SMCHD1: variants seen among roughly 807,000 people sequenced by gnomAD.
SMCHD1 encodes structural maintenance of chromosomes flexible hinge domain-containing protein 1.
Under a neutral mutation model 254.7 loss-of-function variants are expected in SMCHD1, and 78 were observed. That is an observed-to-expected ratio of 0.31 (90% confidence interval 0.26 to 0.37). The LOEUF (loss-of-function observed/expected upper bound fraction) is 0.37. Among genes scored for constraint, SMCHD1 ranks in the 10% least tolerant of loss-of-function variants. The probability of loss-of-function intolerance (pLI) is 1.00; values close to 1 mark genes in which losing one functional copy is unlikely to be tolerated. For synonymous variants in SMCHD1, 766 were observed against 794.9 expected, an observed-to-expected ratio of 0.96 and a Z score of 0.61; for missense variants, 1,840 against 2,408.1, an observed-to-expected ratio of 0.76 and a Z score of 4.94.
In SMCHD1 at chr18:2,703,922, TTTTAA is replaced by T. The variant is rs747578247; in HGVS notation, c.1842+47_1842+51del. Reference sequence around the variant, plus strand: ...CTTATTGTCACTTTTTTCTTATAATTTTTAATTTAATTTAAAACACATATGCAGAA... The same window carrying T: ...CTTATTGTCACTTTTTTCTTATAATTTTTAATTTAAAACACATATGCAGAA... On this transcript the variant is annotated intron_variant, in intron 13 of 47. Coordinates refer to ENST00000320876, the MANE Select transcript of SMCHD1 (RefSeq NM_015295.3). The T allele has an allele frequency of 6.2e-6, 9 of 1,460,720 alleles. No homozygotes were observed. The Admixed American group carries it at 1.4e-4, about 23-fold the overall frequency. 90.5% of individuals were successfully genotyped at this position (1,460,720 alleles called of 1,614,324 possible). A position where few individuals can be genotyped will look rare whatever the true frequency, so the allele number is the denominator to read the frequency against.
At chr18:2,746,715 G>A (rs2075460403) in intron 29 of SMCHD1, among the ~76,000 whole-genome samples, 1 of 152,190 alleles carries the variant, frequency 6.6e-6, no homozygotes, top group African/African-American at 2.4e-5. Context: ...GAACTTTCTT[G>A]TTAGAGGAGA....
intron 8 of SMCHD1, among the ~76,000 whole-genome samples, chr18:2,695,469 T>C (rs2074267277): frequency 6.6e-6 from 1 of 151,930 alleles, no homozygotes; most frequent in Non-Finnish European, 1.5e-5. Flanking sequence ...GCCACCACAC[T>C]CAACTAATTT....
chr18:2,684,700 AGTGTGT>A (rs71365193), intron 5 of SMCHD1, among the ~76,000 whole-genome samples: 2,659 of 115,606 alleles, frequency 0.023, 49 homozygotes, highest in Middle Eastern at 0.12. Flanking sequence ...TTGCAGATTC[AGTGTGT>A]GTGTGTGTGT....
chr18:2,673,458 AAGT>A, intron 4 of SMCHD1, 95 bp downstream of exon 4: 2 of 911,780 alleles, frequency 2.2e-6, no homozygotes, highest in South Asian at 2.6e-5. Flanking sequence ...ATAAAACTAA[AAGT>A]AGAAATAATT....
chr18:2,713,988 T>C (rs189034540), intron 17 of SMCHD1, among the ~76,000 whole-genome samples: 1 of 152,364 alleles, frequency 6.6e-6, no homozygotes, highest in East Asian at 1.9e-4. Context: ...TAGAATGTTG[T>C]GTAAATGTTT....
At chr18:2,685,211 G>A (rs555681875) in intron 5 of SMCHD1, among the ~76,000 whole-genome samples, 6 of 143,534 alleles carry the variant, frequency 4.2e-5, no homozygotes, top group East Asian at 4.4e-4. Flanking sequence ...GCCATTCTCC[G>A]GCCTCAGCCT....
chr18:2,740,268 A>G (rs935083427), intron 27 of SMCHD1, among the ~76,000 whole-genome samples: 1 of 152,052 alleles, frequency 6.6e-6, no homozygotes, highest in Non-Finnish European at 1.5e-5. Context: ...TGAACTCATC[A>G]TTTTTTATGG....
intron 22 of SMCHD1, 36 bp downstream of exon 22, chr18:2,726,560 A>C (rs1293500752): frequency 9.5e-7 from 1 of 1,056,788 alleles, no homozygotes; most frequent in African/African-American, 1.7e-5. Flanking sequence ...TATTTAAAAT[A>C]ATTTTCTTAT....
rs1284558494 is a variant in SMCHD1 at position 2,722,514 on chromosome 18, T to TA, written c.2459-2dup. 1 of 1,604,670 alleles carries TA rather than the reference T, an allele frequency of 6.2e-7. No individual in the cohort carries two copies. The highest frequency in any genetic ancestry group is 1.7e-4 in the Middle Eastern group (1 of 6,038). On this transcript the variant is annotated splice_polypyrimidine_tract_variant and splice_region_variant and intron_variant, in intron 19 of 47. Transcript: ENST00000320876. ...CTTTTCATTTCATTTTTGTTTTTGT[T>TA]AAAGAGGGTAAGCCAGAGAAATTTT...
intron 3 of SMCHD1, among the ~76,000 whole-genome samples, chr18:2,667,647 A>G (rs1568085012): frequency 6.6e-6 from 1 of 152,204 alleles, no homozygotes. Context: ...GAAAACATAG[A>G]TAAGCAAATA....
At chr18:2,712,133 G>A (rs2074691465) in intron 17 of SMCHD1, among the ~76,000 whole-genome samples, 1 of 151,828 alleles carries the variant, frequency 6.6e-6, no homozygotes, top group African/African-American at 2.4e-5. Flanking sequence ...ACTAAGGTGA[G>A]TTCTTTTAAA....
intron 25 of SMCHD1, among the ~76,000 whole-genome samples, chr18:2,733,014 C>T (rs543763985): frequency 6.6e-6 from 1 of 152,152 alleles, no homozygotes; most frequent in African/African-American, 2.4e-5. Context: ...GACATTTGTA[C>T]CTTGATAGGG....
At chr18:2,736,648 G>A (rs2075255344) in intron 25 of SMCHD1, among the ~76,000 whole-genome samples, 1 of 144,288 alleles carries the variant, frequency 6.9e-6, no homozygotes, top group African/African-American at 2.5e-5. Flanking sequence ...GTGAAAAAAT[G>A]TTCAACATCA....
intron 34 of SMCHD1, among the ~76,000 whole-genome samples, chr18:2,760,043 A>G (rs1598413455): frequency 6.6e-6 from 1 of 152,216 alleles, no homozygotes; most frequent in Non-Finnish European, 1.5e-5. Context: ...TATTTTGAGA[A>G]TATGAATGAC....
intron 41 of SMCHD1, 31 bp downstream of exon 41, chr18:2,772,403 G>A: frequency 6.7e-7 from 1 of 1,490,778 alleles, no homozygotes; most frequent in Non-Finnish European, 8.9e-7. Flanking sequence ...TTGAAAGGCA[G>A]TACATTTTAT....
intron 17 of SMCHD1, among the ~76,000 whole-genome samples, chr18:2,711,157 T>C (rs913074775): frequency 7.2e-4 from 110 of 152,064 alleles, no homozygotes; most frequent in African/African-American, 2.6e-3. Context: ...TTTTTTTCTT[T>C]TTATCAATGG....
At chr18:2,733,382 A>C (rs1047689409) in intron 25 of SMCHD1, among the ~76,000 whole-genome samples, 5 of 152,248 alleles carry the variant, frequency 3.3e-5, no homozygotes, top group Admixed American at 3.3e-4. Flanking sequence ...TAAGAAATAC[A>C]TAAATACTAT....
At chr18:2,728,631 AT>A (rs773369413) in intron 23 of SMCHD1, 35 bp downstream of exon 23, 15 of 1,597,036 alleles carry the variant, frequency 9.4e-6, no homozygotes, top group Non-Finnish European at 1.3e-5. Flanking sequence ...ATTGAGTCCC[AT>A]TGTAGTAAGT....
intron 17 of SMCHD1, among the ~76,000 whole-genome samples, chr18:2,715,967 T>C (rs1389073453): frequency 6.6e-6 from 1 of 152,224 alleles, no homozygotes; most frequent in Non-Finnish European, 1.5e-5. Flanking sequence ...CATAGCACCT[T>C]ATTTTTTAAT....
Sources: gnomAD v4.1 joint callset for allele counts (sites outside exome capture counted in the v4.1 genomes callset) on GRCh38, gnomAD v4.1.1 for gene constraint, MANE v1.5 for transcripts, NCBI Gene and HGNC (gene_info 2026-07-23, HGNC 2026-07-21) for gene names.